Variants in TTC21B observed in about 807,000 individuals in gnomAD.
TTC21B encodes tetratricopeptide repeat domain 21B.
In TTC21B, 127 loss-of-function variants were observed where a neutral mutation model predicts 175.1. The ratio of observed to expected loss-of-function variants is 0.73; its 90% CI spans 0.63 to 0.84. The LOEUF (loss-of-function observed/expected upper bound fraction) is 0.84. Ranked by LOEUF, TTC21B falls within the 40% of genes least tolerant of loss-of-function variation. The probability of loss-of-function intolerance (pLI) is 0.00; values close to 1 mark genes in which losing one functional copy is unlikely to be tolerated. For missense variants in TTC21B, 1,561 were observed against 1,558.3 expected (o/e 1.00, Z -0.03); for synonymous variants, 524 against 524.5 (o/e 1.00, Z 0.01).
At chr2:165,951,849 A>G (rs2105372582) in intron 1 of TTC21B, among the ~76,000 whole-genome samples, 1 of 152,316 alleles carries the variant, frequency 6.6e-6, no homozygotes, top group East Asian at 1.9e-4. Context: ...CTCCTTTGGG[A>G]ATGTGGGATA....
rs776773521 is a variant in TTC21B at position 165,917,318 on chromosome 2, G to T, written c.1838C>A (p.Thr613Lys). ...KSKDRKTEVD[T>K]SHRLSIFLEL... Reference sequence around the variant, plus strand: ...AAGAAAGATCGATAAACGATGGCTTGTATCAACTTCAGTTTTTCTGTCTTT... The same window carrying T: ...AAGAAAGATCGATAAACGATGGCTTTTATCAACTTCAGTTTTTCTGTCTTT... The change falls in exon 14 of 29, where the codon ACA becomes AAA. Residue 613 changes from threonine to lysine, a missense_variant. Transcript: ENST00000243344. The T allele has an allele frequency of 6.2e-7, 1 of 1,614,154 alleles. No individual in the cohort carries two copies. The highest frequency in any genetic ancestry group is 1.1e-5 in the South Asian group (1 of 91,080).
At position 165,941,067 on chromosome 2, in the gene TTC21B, C is replaced by T. The variant is rs1423263208; in HGVS notation, c.670G>A (p.Ala224Thr). Reference sequence around the variant, plus strand: ...ACTGTCTGGTCCCAATCCTGCAAGGCTAGTTGTAATTTCATTTTCTTAACA... The same window carrying T: ...ACTGTCTGGTCCCAATCCTGCAAGGTTAGTTGTAATTTCATTTTCTTAACA... ...AFVKKMKLQL[A>T]LQDWDQTVET... The change falls in exon 6 of 29, where the codon GCC becomes ACC. Residue 224 changes from alanine to threonine, a missense_variant. By Grantham distance (58) the Ala-to-Thr change is moderately conservative. Coordinates refer to ENST00000243344, the MANE Select transcript of TTC21B (RefSeq NM_024753.5). 6.2e-7 allele frequency: 1 copy of T among 1,613,814 alleles called. No individual in the cohort carries two copies. Among genetic ancestry groups the T allele is most frequent in the African/African-American group, 1.3e-5 (1 of 74,896 alleles).
At chr2:165,893,672 A>G (rs539071713) in intron 22 of TTC21B, among the ~76,000 whole-genome samples, 81 of 152,292 alleles carry the variant, frequency 5.3e-4, no homozygotes, top group African/African-American at 1.8e-3. Flanking sequence ...GCAAGCATGC[A>G]GTGCTATGGT....
chr2:165,930,075 A>C (rs1686830330), intron 9 of TTC21B, 97 bp downstream of exon 9: 5 of 1,263,692 alleles, frequency 4.0e-6, no homozygotes, highest in Middle Eastern at 4.4e-4. Context: ...TTAAGTTTAG[A>C]AAACCACAAA....
At chr2:165,945,161 TAA>T (rs1687504215) in intron 4 of TTC21B, among the ~76,000 whole-genome samples, 1 of 152,144 alleles carries the variant, frequency 6.6e-6, no homozygotes. Context: ...TTTGCATTAT[TAA>T]CAGTACAAAT....
chr2:165,914,270 G>A (rs1191394194), intron 15 of TTC21B, among the ~76,000 whole-genome samples: 1 of 152,120 alleles, frequency 6.6e-6, no homozygotes, highest in Admixed American at 6.5e-5. Context: ...AAGAGTTGCA[G>A]CTGATGTGTC....
chr2:165,907,289 C>T lies in TTC21B; in HGVS notation c.2568+389G>A, dbSNP rs371410950. ...GAATCATCATTAAAAAAACATCAACCACTTGGGAACATACCTAAGGAAATC... is the reference window on the plus strand; with the variant it reads ...GAATCATCATTAAAAAAACATCAACTACTTGGGAACATACCTAAGGAAATC... On this transcript the variant is annotated intron_variant, in intron 19 of 28. Transcript: ENST00000243344. 6.6e-5 allele frequency among the ~76,000 whole-genome samples: 10 copies of T among 151,632 alleles called. No individual in the cohort carries two copies. In the South Asian group the frequency reaches 1.7e-3, roughly 25 times the overall value.
chr2:165,914,436 A>G (rs1001044230), intron 15 of TTC21B, among the ~76,000 whole-genome samples: 3 of 152,204 alleles, frequency 2.0e-5, no homozygotes, highest in Non-Finnish European at 4.4e-5. Context: ...ACTCCAGTCC[A>G]TCTGTCTAAA....
intron 6 of TTC21B, chr2:165,934,880 A>G (rs1021029474): frequency 6.6e-6 from 1 of 152,176 alleles, no homozygotes. Context: ...AAAATTTTAA[A>G]TTTATATACT....
intron 12 of TTC21B, among the ~76,000 whole-genome samples, chr2:165,920,814 A>ATATTTTAAAATATTTTAAATATTTAAAAT (rs1559060477): frequency 6.6e-6 from 1 of 151,908 alleles, no homozygotes; most frequent in Non-Finnish European, 1.5e-5. Flanking sequence ...AATATTTAAA[A>ATATTTTAAAATATTTTAAATATTTAAAAT]ATGAGAAGTG....
At chr2:165,951,446 A>C (rs1687759146) in intron 1 of TTC21B, among the ~76,000 whole-genome samples, 1 of 152,174 alleles carries the variant, frequency 6.6e-6, no homozygotes, top group African/African-American at 2.4e-5. Flanking sequence ...ATGTTAATGG[A>C]ATAAAAAAAA....
At chr2:165,943,073 A>G in intron 5 of TTC21B, 146 bp downstream of exon 5, 1 of 764,788 alleles carries the variant, frequency 1.3e-6, no homozygotes, top group East Asian at 2.7e-5. Flanking sequence ...ATTGTCCTAC[A>G]CAAATGCCAG....
At chr2:165,906,633 A>G (rs112089048) in intron 19 of TTC21B, among the ~76,000 whole-genome samples, 2 of 152,122 alleles carry the variant, frequency 1.3e-5, no homozygotes, top group East Asian at 1.9e-4. Context: ...GCCTGCAACA[A>G]TGAATTATTC....
At chr2:165,931,296 T>C (rs1490058482) in intron 8 of TTC21B, among the ~76,000 whole-genome samples, 1 of 152,148 alleles carries the variant, frequency 6.6e-6, no homozygotes, top group African/African-American at 2.4e-5. Context: ...ATTTTTCTAT[T>C]TCATTCTTGA....
At chr2:165,951,464 C>T (rs1009060780) in intron 1 of TTC21B, among the ~76,000 whole-genome samples, 1 of 152,132 alleles carries the variant, frequency 6.6e-6, no homozygotes, top group African/African-American at 2.4e-5. Flanking sequence ...AAAAATGTGT[C>T]CTGCGCCAAG....
At chr2:165,903,214 A>G (rs527891072) in intron 19 of TTC21B, among the ~76,000 whole-genome samples, 2 of 152,282 alleles carry the variant, frequency 1.3e-5, no homozygotes, top group South Asian at 4.1e-4. Context: ...TCAGTCTTGG[A>G]AGTCAGGTAA....
chr2:165,936,391 T>C (rs1687142917), intron 6 of TTC21B, among the ~76,000 whole-genome samples: 1 of 152,098 alleles, frequency 6.6e-6, no homozygotes, highest in Admixed American at 6.6e-5. Flanking sequence ...TCTGACGGCC[T>C]ATGGTTTGAT....
chr2:165,952,512 G>A (rs761697542), intron 1 of TTC21B, among the ~76,000 whole-genome samples: 8 of 152,094 alleles, frequency 5.3e-5, no homozygotes, highest in African/African-American at 1.9e-4. Context: ...ACGAAGGTGG[G>A]GTGAAAAGCC....
intron 4 of TTC21B, among the ~76,000 whole-genome samples, chr2:165,944,121 G>A (rs1687466821): frequency 6.6e-6 from 1 of 152,032 alleles, no homozygotes; most frequent in East Asian, 1.9e-4. Flanking sequence ...CTAAATCAGT[G>A]CCATCATTGA....
Sources: gnomAD v4.1 joint callset for allele counts (sites outside exome capture counted in the v4.1 genomes callset) on GRCh38, gnomAD v4.1.1 for gene constraint, MANE v1.5 for transcripts, NCBI Gene and HGNC (gene_info 2026-07-23, HGNC 2026-07-21) for gene names.